Variants in NT5M observed in about 807,000 individuals in gnomAD.
NT5M encodes the protein 5'(3')-deoxyribonucleotidase, mitochondrial.
A neutral mutation model predicts 22.2 loss-of-function variants in NT5M; 22 were observed. That is an observed-to-expected ratio of 0.99 (90% CI 0.71 to 1.41). The LOEUF (loss-of-function observed/expected upper bound fraction) is 1.41. NT5M is among the 40% of genes most tolerant of loss of function. NT5M has a pLI of 0.00. For synonymous variants in NT5M, 167 were observed against 133.0 expected (o/e 1.26, Z -1.76); for missense variants, 322 against 314.8 (o/e 1.02, Z -0.17).
intron 3 of NT5M, among the ~76,000 whole-genome samples, chr17:17,337,296 C>T (rs749848036): frequency 6.6e-6 from 1 of 152,150 alleles, no homozygotes; most frequent in Non-Finnish European, 1.5e-5. Flanking sequence ...GGCTGGAGTG[C>T]AGTGGTGTGA....
chr17:17,337,992 GGA>G (rs1170749843), intron 3 of NT5M, among the ~76,000 whole-genome samples: 1 of 152,146 alleles, frequency 6.6e-6, no homozygotes, highest in Non-Finnish European at 1.5e-5. Context: ...CCAATGTCCT[GGA>G]GAGTTTCCCC....
At position 17,344,841 on chromosome 17, in the gene NT5M, T is replaced by C. The variant is rs756797796; in HGVS notation, c.477T>C (p.Ile159=). Residue 159 remains isoleucine, a synonymous_variant, in exon 4 of 5, where the codon ATT becomes ATC. Transcript: ENST00000389022. ...TTGGCCCTGACTTTCTGGAGCAGATTGTGCTGACCAGAGACAAGACCGTGG... is the reference window on the plus strand; with the variant it reads ...TTGGCCCTGACTTTCTGGAGCAGATCGTGCTGACCAGAGACAAGACCGTGG... ...KYFGPDFLEQ[I]VLTRDKTVVS... The C allele has an allele frequency of 3.1e-6, 5 of 1,614,212 alleles. No individual in the cohort carries two copies. In the East Asian group the frequency reaches 8.9e-5, roughly 29 times the overall value.
At chr17:17,330,742 C>CTTTTTTTTT (rs58633073) in intron 3 of NT5M, among the ~76,000 whole-genome samples, 6 of 118,720 alleles carry the variant, frequency 5.1e-5, no homozygotes, top group Admixed American at 9.3e-5. Context: ...TTCTTTCTTT[C>CTTTTTTTTT]TTTTTTTTTT....
Position 17,346,965 on chromosome 17 carries a change from G to C in NT5M, c.*18G>C, listed in dbSNP as rs777406319. 1 of 1,609,422 alleles carries C rather than the reference G, an allele frequency of 6.2e-7. No homozygotes were observed. The highest frequency in any genetic ancestry group is 8.5e-7 in the Non-Finnish European group (1 of 1,179,678). On this transcript the variant is annotated 3_prime_UTR_variant, in exon 5 of 5. Coordinates refer to ENST00000389022, the MANE Select transcript of NT5M (RefSeq NM_020201.4). ...CCTGCTGAGCTGGACTGTGCTTCGG[G>C]CTCCTCTGTGGGGCTCTGACCTCAG...
intron 2 of NT5M, among the ~76,000 whole-genome samples, chr17:17,313,618 C>G (rs1275954986): frequency 6.6e-6 from 1 of 152,226 alleles, no homozygotes; most frequent in African/African-American, 2.4e-5. Context: ...GCTGCATGCT[C>G]AGCCTCATCC....
chr17:17,347,360 C>T lies in NT5M; in HGVS notation c.*413C>T, dbSNP rs962030803. ...TCAGCAAGGAGGACCAGGAACCCGG[C>T]GACTGAGGTGCTTCCAGGTGGGGAC... On this transcript the variant is annotated 3_prime_UTR_variant, in exon 5 of 5. Transcript: ENST00000389022. 7 of 179,696 alleles carry T rather than the reference C, an allele frequency of 3.9e-5. No homozygotes were observed. The highest frequency in any genetic ancestry group is 7.0e-5 in the Non-Finnish European group (6 of 85,682). The allele number at this position is 179,696 out of a possible 1,614,324, so 11.1% of individuals were successfully genotyped here.
chr17:17,334,247 G>A (rs926830780), intron 3 of NT5M, among the ~76,000 whole-genome samples: 2 of 151,786 alleles, frequency 1.3e-5, no homozygotes, highest in African/African-American at 2.4e-5. Context: ...GATTACAAGC[G>A]TGAGCCACCA....
rs2048720468 is a variant in NT5M at position 17,303,384 on chromosome 17, G to A, written c.-167G>A. ...CGCGCCGCGGCCTCGCTCTGGGGCC[G>A]GTACTTGCGCGCCCGCACCCCGCGC... On this transcript the variant is annotated 5_prime_UTR_variant, in exon 1 of 5. Transcript: ENST00000389022. 2.5e-6 allele frequency: 2 copies of A among 813,718 alleles called. No homozygotes were observed. The highest frequency in any genetic ancestry group is 5.6e-5 in the South Asian group (1 of 17,772). The allele number at this position is 813,718 out of a possible 1,614,324, so 50.4% of individuals were successfully genotyped here. A position where few individuals can be genotyped will look rare whatever the true frequency, so the allele number is the denominator to read the frequency against.
chr17:17,326,711 C>T (rs1023773188), intron 3 of NT5M, among the ~76,000 whole-genome samples: 2 of 152,182 alleles, frequency 1.3e-5, no homozygotes, highest in Non-Finnish European at 2.9e-5. Flanking sequence ...CCCTGATGGA[C>T]TGTCCTAAAA....
At chr17:17,337,450 C>T (rs943727563) in intron 3 of NT5M, among the ~76,000 whole-genome samples, 2 of 150,988 alleles carry the variant, frequency 1.3e-5, no homozygotes, top group Admixed American at 1.3e-4. Flanking sequence ...GTTTCTCAGA[C>T]TGGTGTACAA....
chr17:17,304,619 TACAAG>T (rs1218901933), intron 1 of NT5M: 1 of 161,402 alleles, frequency 6.2e-6, no homozygotes, highest in Non-Finnish European at 1.3e-5. Flanking sequence ...AGAAGGAAGT[TACAAG>T]AGCCCGTTTT....
chr17:17,305,391 A>G (rs1406312127), intron 1 of NT5M, among the ~76,000 whole-genome samples: 1 of 39,430 alleles, frequency 2.5e-5, no homozygotes. Context: ...GGTTAAAACA[A>G]CCGCCCCCCC....
chr17:17,337,429 G>A lies in NT5M; in HGVS notation c.430-7365G>A, dbSNP rs150754713. 1.6e-3 allele frequency among the ~76,000 whole-genome samples: 235 copies of A among 151,332 alleles called. 1 individual carries two copies. The Middle Eastern group carries it at 0.017, about 11-fold the overall frequency. On this transcript the variant is annotated intron_variant, in intron 3 of 4. Coordinates refer to ENST00000389022, the MANE Select transcript of NT5M (RefSeq NM_020201.4). The stretch of plus-strand genomic sequence containing the variant: ...ATTTTTTTTTTTTTTCTTTAGACTG[G>A]GTTTTGCCCTGTTTCTCAGACTGGT...
At chr17:17,325,377 G>A (rs745513083) in intron 3 of NT5M, among the ~76,000 whole-genome samples, 1 of 152,092 alleles carries the variant, frequency 6.6e-6, no homozygotes, top group Non-Finnish European at 1.5e-5. Context: ...CTTGTGCATG[G>A]CAGTGCTGTC....
At chr17:17,319,111 G>A (rs1015945746) in intron 2 of NT5M, among the ~76,000 whole-genome samples, 3 of 151,902 alleles carry the variant, frequency 2.0e-5, no homozygotes, top group African/African-American at 7.3e-5. Flanking sequence ...CTTGCGGGGA[G>A]GCTGAGGTAG....
At chr17:17,303,961 G>A (rs1018374139) in intron 1 of NT5M, 144 bp downstream of exon 1, 3 of 1,255,574 alleles carry the variant, frequency 2.4e-6, no homozygotes, top group South Asian at 5.9e-5. Flanking sequence ...GGGACTAGGG[G>A]CCACAGCGCA....
chr17:17,347,021 A>G lies in NT5M; in HGVS notation c.*74A>G. On this transcript the variant is annotated 3_prime_UTR_variant, in exon 5 of 5. Coordinates refer to ENST00000389022, the MANE Select transcript of NT5M (RefSeq NM_020201.4). ...CCAGCTCGGGGCCTGTGGGGCCAGTATGCTGGTCTGGGAGTCCCTCCTAGA... is the reference window on the plus strand; with the variant it reads ...CCAGCTCGGGGCCTGTGGGGCCAGTGTGCTGGTCTGGGAGTCCCTCCTAGA... The G allele has an allele frequency of 6.4e-7, 1 of 1,563,466 alleles. No homozygotes were observed. The highest frequency in any genetic ancestry group is 8.6e-7 in the Non-Finnish European group (1 of 1,157,318).
intron 3 of NT5M, among the ~76,000 whole-genome samples, chr17:17,340,996 C>T (rs553314387): frequency 1.3e-5 from 2 of 151,950 alleles, no homozygotes; most frequent in Non-Finnish European, 2.9e-5. Context: ...TGCTGCATCC[C>T]ATAGGTTTTG....
chr17:17,321,192 G>A (rs2082043707), intron 2 of NT5M, among the ~76,000 whole-genome samples: 1 of 151,904 alleles, frequency 6.6e-6, no homozygotes, highest in South Asian at 2.1e-4. Flanking sequence ...TTTGAATGAG[G>A]AGTCATGGAG....
Sources: allele counts gnomAD v4.1 joint callset (sites outside exome capture counted in the v4.1 genomes callset), GRCh38; gene constraint gnomAD v4.1.1; transcripts MANE v1.5; gene names NCBI Gene and HGNC (gene_info 2026-07-23, HGNC 2026-07-21).